IFNAR2: variants seen among roughly 807,000 people sequenced by gnomAD.
IFNAR2 encodes interferon alpha/beta receptor 2.
In IFNAR2, 30 loss-of-function variants were observed where a neutral mutation model predicts 49.4. That is an observed-to-expected ratio of 0.61 (90% CI 0.45 to 0.82). The LOEUF is 0.82. IFNAR2 is among the 40% of genes least tolerant of loss of function. The probability of loss-of-function intolerance (pLI) is 0.00; values close to 1 mark genes in which losing one functional copy is unlikely to be tolerated. For synonymous variants in IFNAR2, 224 were observed against 234.5 expected, an observed-to-expected ratio of 0.96 and a Z score of 0.41; for missense variants, 600 against 622.7, an observed-to-expected ratio of 0.96 and a Z score of 0.39.
At chr21:33,250,578 C>G (rs942447033) in intron 6 of IFNAR2, among the ~76,000 whole-genome samples, 4 of 152,146 alleles carry the variant, frequency 2.6e-5, no homozygotes, top group Non-Finnish European at 1.5e-5. Flanking sequence ...GCTCTTGTTG[C>G]CCAGGCTGGA....
intron 7 of IFNAR2, among the ~76,000 whole-genome samples, chr21:33,259,999 G>C (rs1053674092): frequency 1.3e-5 from 2 of 152,164 alleles, no homozygotes; most frequent in Non-Finnish European, 2.9e-5. Context: ...TATAACTACT[G>C]ATTTTTCAGT....
At chr21:33,253,975 T>TAC (rs1423244114) in intron 7 of IFNAR2, among the ~76,000 whole-genome samples, 2 of 152,196 alleles carry the variant, frequency 1.3e-5, no homozygotes, top group African/African-American at 4.8e-5. Flanking sequence ...TGCAGCCCAG[T>TAC]AGGTCCCAGC....
At chr21:33,251,267 C>T (rs922308150) in intron 6 of IFNAR2, among the ~76,000 whole-genome samples, 1 of 152,142 alleles carries the variant, frequency 6.6e-6, no homozygotes, top group Admixed American at 6.6e-5. Flanking sequence ...AGTGATGTCC[C>T]GGTAGCTGAG....
chr21:33,263,794 C>G lies in IFNAR2; in HGVS notation c.*294C>G, dbSNP rs1988801063. On this transcript the variant is annotated 3_prime_UTR_variant, in exon 9 of 9. Transcript: ENST00000342136. Reference sequence around the variant, plus strand: ...TTTCTGCATCATGTCTACCAGGGAGCAGGGTTCCCCACAGTTTCAGAGGTG... The same window carrying G: ...TTTCTGCATCATGTCTACCAGGGAGGAGGGTTCCCCACAGTTTCAGAGGTG... 1 of 351,582 alleles carries G rather than the reference C, an allele frequency of 2.8e-6. No individual in the cohort carries two copies. Among genetic ancestry groups the G allele is most frequent in the African/African-American group, 2.1e-5 (1 of 47,722 alleles). 21.8% of individuals were successfully genotyped at this position (351,582 alleles called of 1,614,324 possible).
intron 2 of IFNAR2, 78 bp downstream of exon 2, chr21:33,242,055 C>CGCAAA: frequency 7.1e-7 from 1 of 1,398,798 alleles, no homozygotes. Flanking sequence ...GGCAGGAAGT[C>CGCAAA]GCAAACTCAT....
At chr21:33,246,998 GC>G in intron 5 of IFNAR2, 108 bp downstream of exon 5, 1 of 881,304 alleles carries the variant, frequency 1.1e-6, no homozygotes, top group Non-Finnish European at 1.8e-6. Flanking sequence ...CTGGGGCTGG[GC>G]TCACCTCTTG....
chr21:33,237,893 G>T (rs1986599959), intron 1 of IFNAR2, among the ~76,000 whole-genome samples: 1 of 152,146 alleles, frequency 6.6e-6, no homozygotes, highest in African/African-American at 2.4e-5. Flanking sequence ...TAGGGAAGAG[G>T]AGTCAGGCTG....
chr21:33,239,351 A>G (rs1043502520), intron 1 of IFNAR2, among the ~76,000 whole-genome samples: 3 of 152,200 alleles, frequency 2.0e-5, no homozygotes, highest in Non-Finnish European at 4.4e-5. Flanking sequence ...GGCTGTGTCC[A>G]GTGGTCTCAT....
chr21:33,262,747 A>AC, intron 8 of IFNAR2, 46 bp from the exon 9 acceptor site: 1 of 1,506,218 alleles, frequency 6.6e-7, no homozygotes, highest in South Asian at 1.2e-5. Flanking sequence ...AAGAGCAAAC[A>AC]GTACAGCTGA....
rs1479715028 is a variant in IFNAR2, at chr21:33,261,147, G to A, written c.840+420G>A. Among the ~76,000 whole-genome samples, 9 of 141,302 alleles carry A rather than the reference G, an allele frequency of 6.4e-5. No homozygotes were observed. In the East Asian group the frequency reaches 8.9e-4, roughly 14 times the overall value. The allele number at this position is 141,302 out of a possible 152,430, so 92.7% of individuals were successfully genotyped here. A position where few individuals can be genotyped will look rare whatever the true frequency, so the allele number is the denominator to read the frequency against. ...TGCCTCCTAGGCTCAAGCAATTCTCGTGCCTCAGCCTCTCAAGTAGCTGGG... is the reference window on the plus strand; with the variant it reads ...TGCCTCCTAGGCTCAAGCAATTCTCATGCCTCAGCCTCTCAAGTAGCTGGG... On this transcript the variant is annotated intron_variant, in intron 8 of 8. Transcript: ENST00000342136.
chr21:33,239,022 A>G (rs1172325433), intron 1 of IFNAR2, among the ~76,000 whole-genome samples: 2 of 152,224 alleles, frequency 1.3e-5, no homozygotes. Context: ...ACGGTAGGGA[A>G]ACGAAAATTC....
intron 2 of IFNAR2, 111 bp downstream of exon 2, chr21:33,242,088 A>G (rs1180009653): frequency 2.2e-6 from 2 of 926,778 alleles, no homozygotes; most frequent in East Asian, 5.0e-5. Context: ...AGGACCCAGT[A>G]CCACCCTGCC....
intron 8 of IFNAR2, among the ~76,000 whole-genome samples, chr21:33,262,210 C>G (rs771257768): frequency 4.6e-5 from 7 of 151,782 alleles, no homozygotes; most frequent in Non-Finnish European, 1.0e-4. Context: ...ACTAAAAATA[C>G]AAAAATTTGC....
chr21:33,239,018 G>C (rs555709172), intron 1 of IFNAR2, among the ~76,000 whole-genome samples: 1 of 152,324 alleles, frequency 6.6e-6, no homozygotes, highest in African/African-American at 2.4e-5. Flanking sequence ...AGCAACGGTA[G>C]GGAAACGAAA....
Position 33,244,961 on chromosome 21 carries a change from T to A in IFNAR2, c.108T>A (p.Asp36Glu). ...TCTTCTTCTCTTTAGATTACACAGA[T>A]GAATCTTGCACTTTCAAGATATCAT... ...GISYDSPDYT[D>E]ESCTFKISLR... is the part of the protein sequence containing the mutation. The change falls in exon 4 of 9, where the codon GAT becomes GAA. Residue 36 changes from aspartate (D) to glutamate (E), a missense_variant. By Grantham distance (45) the Asp-to-Glu change is conservative. Coordinates refer to ENST00000342136, the MANE Select transcript of IFNAR2 (RefSeq NM_001289125.3). 2 of 1,613,546 alleles carry A rather than the reference T, an allele frequency of 1.2e-6. No homozygotes were observed. The highest frequency in any genetic ancestry group is 1.7e-6 in the Non-Finnish European group (2 of 1,179,478).
chr21:33,258,166 G>A (rs550902603), intron 7 of IFNAR2, among the ~76,000 whole-genome samples: 6 of 152,130 alleles, frequency 3.9e-5, no homozygotes, highest in East Asian at 1.9e-4. Flanking sequence ...TTAGCCAGGC[G>A]TGGTGGCATG....
chr21:33,254,148 A>G (rs1744355279), intron 7 of IFNAR2, among the ~76,000 whole-genome samples: 1 of 152,196 alleles, frequency 6.6e-6, no homozygotes, highest in South Asian at 2.1e-4. Flanking sequence ...CCCCCAACCA[A>G]CTGAATGGAT....
chr21:33,234,205 G>GTGTT lies in IFNAR2; in HGVS notation c.-84+3992_-84+3993insTTGT, dbSNP rs1265923356. 4.0e-5 allele frequency among the ~76,000 whole-genome samples: 6 copies of GTGTT among 151,466 alleles called. No homozygotes were observed. In the East Asian group the frequency reaches 1.2e-3, roughly 29 times the overall value. ...ACACTGTGTGTGTGTGTGTGTGTGT[G>GTGTT]TGTGTGTGTGTGTGTGTGTTTATGC... On this transcript the variant is annotated intron_variant, in intron 1 of 8. Coordinates refer to ENST00000342136, the MANE Select transcript of IFNAR2 (RefSeq NM_001289125.3).
chr21:33,239,202 G>A (rs750512566), intron 1 of IFNAR2, among the ~76,000 whole-genome samples: 1 of 152,108 alleles, frequency 6.6e-6, no homozygotes, highest in Non-Finnish European at 1.5e-5. Flanking sequence ...ACCCTGTCTG[G>A]TAAGGATACA....
Sources: gnomAD v4.1 joint callset for allele counts (sites outside exome capture counted in the v4.1 genomes callset) on GRCh38, gnomAD v4.1.1 for gene constraint, MANE v1.5 for transcripts, NCBI Gene and HGNC (gene_info 2026-07-23, HGNC 2026-07-21) for gene names.